The following HIVEP1 variants were observed in gnomAD, a reference collection of about 807,000 sequenced individuals.
HIVEP1 encodes the protein zinc finger protein 40.
HIVEP1 carries 36 observed loss-of-function variants against 180.0 expected under a neutral mutation model. The observed-to-expected ratio is 0.20, with a 90% CI of 0.15 to 0.26. HIVEP1 has a LOEUF of 0.26. Among genes scored for constraint, HIVEP1 ranks in the 10% least tolerant of loss-of-function variants. HIVEP1 has a pLI of 1.00. For synonymous variants in HIVEP1, 1,239 were observed against 1,239.0 expected, an observed-to-expected ratio of 1.00 and a Z score of 0.00; for missense variants, 3,143 against 3,268.7, an observed-to-expected ratio of 0.96 and a Z score of 0.94.
rs1245458451 is a variant in HIVEP1, at chr6:12,065,519, C to T, written c.41-23665C>T. Among the ~76,000 whole-genome samples the T allele has an allele frequency of 2.0e-5, 3 of 152,142 alleles. No individual in the cohort carries two copies. The East Asian group carries it at 5.8e-4, about 29-fold the overall frequency. On this transcript the variant is annotated intron_variant, in intron 2 of 8. Coordinates refer to ENST00000379388, the MANE Select transcript of HIVEP1 (RefSeq NM_002114.4). Reference sequence around the variant, plus strand: ...AATACAGGGATGTGGCATAGAGTATCACTGTACCAGCAACTTCCCGTTCTG... The same window carrying T: ...AATACAGGGATGTGGCATAGAGTATTACTGTACCAGCAACTTCCCGTTCTG...
intron 2 of HIVEP1, among the ~76,000 whole-genome samples, chr6:12,049,607 CAAA>C (rs1446004218): frequency 6.6e-6 from 1 of 152,104 alleles, no homozygotes; most frequent in Non-Finnish European, 1.5e-5. Context: ...CACAAATAAT[CAAA>C]GAAGGTATTT....
At chr6:12,118,133 C>T (rs1361381390) in intron 3 of HIVEP1, among the ~76,000 whole-genome samples, 1 of 42,374 alleles carries the variant, frequency 2.4e-5, no homozygotes, top group Non-Finnish European at 6.4e-5. Context: ...GTTATGAGAC[C>T]CCCTTTTGTT....
chr6:12,177,641 C>T, the HIVEP1 span, among the ~76,000 whole-genome samples: 18 of 152,116 alleles, frequency 1.2e-4, no homozygotes, highest in Admixed American at 3.9e-4. Context: ...GGGAGACCAA[C>T]GTTAGAAATT....
intron 2 of HIVEP1, among the ~76,000 whole-genome samples, chr6:12,069,198 T>C (rs1771802771): frequency 6.6e-6 from 1 of 152,226 alleles, no homozygotes; most frequent in Non-Finnish European, 1.5e-5. Context: ...GCTCCTAGGT[T>C]ACAAACCTGC....
At chr6:12,198,542 G>A in the HIVEP1 span, among the ~76,000 whole-genome samples, 1 of 152,192 alleles carries the variant, frequency 6.6e-6, no homozygotes, top group Non-Finnish European at 1.5e-5. Context: ...CCCTCATGCA[G>A]CTTACATTGT....
chr6:12,008,572 TC>T (rs1344897534), upstream of HIVEP1: 1 of 151,802 alleles, frequency 6.6e-6, no homozygotes, highest in Non-Finnish European at 1.5e-5. Flanking sequence ...GTGGGTCCTT[TC>T]CCGCGACTAC....
intron 7 of HIVEP1, among the ~76,000 whole-genome samples, chr6:12,145,204 G>T (rs1192534552): frequency 1.3e-5 from 2 of 152,174 alleles, no homozygotes; most frequent in African/African-American, 4.8e-5. Flanking sequence ...AAAAGGATGA[G>T]TTCATGTCCT....
intron 7 of HIVEP1, among the ~76,000 whole-genome samples, chr6:12,155,916 T>C (rs1333164089): frequency 6.6e-6 from 1 of 152,180 alleles, no homozygotes; most frequent in Non-Finnish European, 1.5e-5. Flanking sequence ...CCAGCATCTG[T>C]TATTTTTTAA....
At chr6:12,094,947 A>C (rs1773701825) in intron 3 of HIVEP1, among the ~76,000 whole-genome samples, 1 of 152,020 alleles carries the variant, frequency 6.6e-6, no homozygotes, top group Non-Finnish European at 1.5e-5. Flanking sequence ...GTACTTAACA[A>C]TAAGGGATTA....
chr6:12,158,611 T>C (rs913731119), intron 7 of HIVEP1, among the ~76,000 whole-genome samples: 1 of 152,114 alleles, frequency 6.6e-6, no homozygotes, highest in African/African-American at 2.4e-5. Context: ...ACCTGCACCA[T>C]TTTCTTAGGT....
At chr6:12,185,179 A>T in the HIVEP1 span, among the ~76,000 whole-genome samples, 1 of 152,244 alleles carries the variant, frequency 6.6e-6, no homozygotes, top group Admixed American at 6.5e-5. Context: ...AATCACAGGC[A>T]GGCAGACACA....
chr6:12,164,379 C>T lies in HIVEP1; in HGVS notation c.8075C>T (p.Ala2692Val). The change falls in exon 9 of 9, where the codon GCA becomes GTA. Residue 2692 changes from alanine to valine, a missense_variant. Transcript: ENST00000379388. ...SPDRQVPRPTALPRRQPTVHF... is the reference protein window; with the variant it reads ...SPDRQVPRPTVLPRRQPTVHF... ...GACAGACAGGTTCCCAGGCCCACAG[C>T]ACTACCGCGGAGGCAGCCCACTGTG... 6.2e-7 allele frequency: 1 copy of T among 1,614,150 alleles called. No individual in the cohort carries two copies. The highest frequency in any genetic ancestry group is 1.7e-5 in the Admixed American group (1 of 60,032).
At chr6:12,176,207 G>A in the HIVEP1 span, among the ~76,000 whole-genome samples, 1 of 150,846 alleles carries the variant, frequency 6.6e-6, no homozygotes, top group African/African-American at 2.4e-5. Flanking sequence ...TTTGACTCGG[G>A]GTAATTTTGT....
chr6:12,167,067 G>A (rs201478351), downstream of HIVEP1, among the ~76,000 whole-genome samples: 1,876 of 151,954 alleles, frequency 0.012, 18 homozygotes, highest in Non-Finnish European at 0.018. Context: ...TATTTCTTTC[G>A]AAATGATAAT....
At chr6:12,092,192 G>C (rs1202625212) in intron 3 of HIVEP1, among the ~76,000 whole-genome samples, 4 of 152,058 alleles carry the variant, frequency 2.6e-5, no homozygotes, top group Non-Finnish European at 5.9e-5. Flanking sequence ...CTTCTGTAGA[G>C]GTTTTACTGT....
At chr6:12,065,608 T>C (rs557048118) in intron 2 of HIVEP1, among the ~76,000 whole-genome samples, 1 of 152,264 alleles carries the variant, frequency 6.6e-6, no homozygotes, top group East Asian at 1.9e-4. Flanking sequence ...TTCGCTTCTG[T>C]GTGCCACTGT....
chr6:12,136,725 G>T (rs989544280), intron 7 of HIVEP1, among the ~76,000 whole-genome samples: 1 of 152,130 alleles, frequency 6.6e-6, no homozygotes, highest in Non-Finnish European at 1.5e-5. Flanking sequence ...TTCCGAAAAG[G>T]TTAAATGGCT....
At chr6:12,027,605 T>C (rs895526996) in intron 2 of HIVEP1, among the ~76,000 whole-genome samples, 2 of 152,230 alleles carry the variant, frequency 1.3e-5, no homozygotes, top group African/African-American at 4.8e-5. Flanking sequence ...CCATTTCCAA[T>C]GCTGTACATG....
At chr6:12,090,126 A>G (rs1235504572) in intron 3 of HIVEP1, among the ~76,000 whole-genome samples, 3 of 152,180 alleles carry the variant, frequency 2.0e-5, no homozygotes, top group East Asian at 1.9e-4. Context: ...GCAGAAGAGC[A>G]TGTAGGGATG....
Sources: allele counts gnomAD v4.1 joint callset (sites outside exome capture counted in the v4.1 genomes callset), GRCh38; gene constraint gnomAD v4.1.1; transcripts MANE v1.5; gene names NCBI Gene and HGNC (gene_info 2026-07-23, HGNC 2026-07-21).